Variants in ECT2 observed in about 807,000 individuals in gnomAD.
ECT2 encodes epithelial cell transforming 2.
ECT2 carries 61 observed loss-of-function variants against 116.9 expected under a neutral mutation model. That is an observed-to-expected ratio of 0.52 (90% CI 0.42 to 0.65). The LOEUF is 0.65. Among genes scored for constraint, ECT2 ranks in the 30% least tolerant of loss-of-function variants. The pLI, the probability that ECT2 is intolerant of heterozygous loss-of-function variation, is 0.00. For synonymous variants in ECT2, 358 were observed against 346.4 expected (o/e 1.03, Z -0.37); for missense variants, 937 against 1,078.7 (o/e 0.87, Z 1.84).
intron 22 of ECT2, among the ~76,000 whole-genome samples, chr3:172,813,753 A>C (rs1227008667): frequency 6.6e-6 from 1 of 152,022 alleles, no homozygotes; most frequent in Non-Finnish European, 1.5e-5. Flanking sequence ...CTGCACTCTA[A>C]ATGCTCAAAA....
chr3:172,804,305 T>C (rs1727285104), intron 20 of ECT2, among the ~76,000 whole-genome samples: 1 of 152,158 alleles, frequency 6.6e-6, no homozygotes, highest in African/African-American at 2.4e-5. Context: ...ATGCAGAGTT[T>C]TGTTGTTATG....
At chr3:172,796,864 G>C (rs1384176952) in intron 18 of ECT2, among the ~76,000 whole-genome samples, 1 of 152,024 alleles carries the variant, frequency 6.6e-6, no homozygotes, top group African/African-American at 2.4e-5. Flanking sequence ...TCGCTATGTT[G>C]GCCAGGCTGG....
At chr3:172,811,274 C>G (rs1728728188) in intron 22 of ECT2, among the ~76,000 whole-genome samples, 1 of 152,172 alleles carries the variant, frequency 6.6e-6, no homozygotes, top group Admixed American at 6.5e-5. Flanking sequence ...CCTAGGACTA[C>G]TGAAGATAAG....
At chr3:172,810,589 G>A (rs1728594948) in intron 22 of ECT2, among the ~76,000 whole-genome samples, 1 of 152,118 alleles carries the variant, frequency 6.6e-6, no homozygotes, top group Admixed American at 6.6e-5. Flanking sequence ...CAAATCAGAA[G>A]CTCTAAGTTA....
chr3:172,828,742 A>G, the ECT2 span: 1 of 550,708 alleles, frequency 1.8e-6, no homozygotes, highest in Non-Finnish European at 3.3e-6. Flanking sequence ...CACGTGGCGA[A>G]GAGGATGAGG....
chr3:172,805,849 T>C lies in ECT2; in HGVS notation c.2225T>C (p.Leu742Ser). The C allele has an allele frequency of 6.2e-7, 1 of 1,613,564 alleles. No homozygotes were observed. The highest frequency in any genetic ancestry group is 8.5e-7 in the Non-Finnish European group (1 of 1,179,690). ...LMPLSQIKKV[L>S]DIRETEDCHN... Reference sequence around the variant, plus strand: ...CCTCTTTCTCAGATTAAGAAGGTATTGGACATAAGAGAGACAGAAGGTATG... The same window carrying C: ...CCTCTTTCTCAGATTAAGAAGGTATCGGACATAAGAGAGACAGAAGGTATG... Residue 742 changes from leucine to serine, a missense_variant, in exon 21 of 25, where the codon TTG becomes TCG. Transcript: ENST00000392692.
chr3:172,783,419 C>G (rs1286623693), intron 15 of ECT2, among the ~76,000 whole-genome samples: 1 of 152,016 alleles, frequency 6.6e-6, no homozygotes, highest in African/African-American at 2.4e-5. Flanking sequence ...TTTAACTGAT[C>G]TTTTAATGGC....
At chr3:172,759,114 ATAAAT>A in intron 6 of ECT2, 45 bp downstream of exon 6, 1 of 1,374,450 alleles carries the variant, frequency 7.3e-7, no homozygotes, top group Non-Finnish European at 1.0e-6. Context: ...TTACAGCAAA[ATAAAT>A]TAAAATTGGC....
At chr3:172,758,660 T>C (rs1717586444) in intron 5 of ECT2, among the ~76,000 whole-genome samples, 1 of 152,200 alleles carries the variant, frequency 6.6e-6, no homozygotes, top group Non-Finnish European at 1.5e-5. Flanking sequence ...TAGTAGTGTA[T>C]GGAGTCTGAA....
intron 13 of ECT2, among the ~76,000 whole-genome samples, chr3:172,770,852 A>T (rs992309387): frequency 1.3e-5 from 2 of 152,148 alleles, no homozygotes; most frequent in Admixed American, 1.3e-4. Flanking sequence ...TTTATACTAG[A>T]AGAGGAGATA....
intron 23 of ECT2, 27 bp downstream of exon 23, chr3:172,815,738 G>A: frequency 4.5e-6 from 6 of 1,343,470 alleles, no homozygotes; most frequent in Non-Finnish European, 5.3e-6. Flanking sequence ...GTATTATTTA[G>A]CACATCTCTA....
chr3:172,760,933 G>A (rs981768385), intron 7 of ECT2, among the ~76,000 whole-genome samples: 9 of 151,646 alleles, frequency 5.9e-5, no homozygotes, highest in Non-Finnish European at 4.4e-5. Context: ...ATTGGCCAGG[G>A]TGGTCTCAAA....
chr3:172,769,544 A>G (rs1257934078), intron 13 of ECT2, among the ~76,000 whole-genome samples: 1 of 152,138 alleles, frequency 6.6e-6, no homozygotes, highest in Non-Finnish European at 1.5e-5. Flanking sequence ...AACATCGCCT[A>G]TACAATAGCA....
chr3:172,817,666 AATT>A (rs1287641156), intron 24 of ECT2, among the ~76,000 whole-genome samples: 1 of 152,118 alleles, frequency 6.6e-6, no homozygotes, highest in African/African-American at 2.4e-5. Flanking sequence ...ACAGTTTCAG[AATT>A]ATTATTAGAT....
chr3:172,787,368 C>CTTAT (rs10642439), intron 18 of ECT2, among the ~76,000 whole-genome samples: 150,488 of 152,184 alleles, frequency 0.99, 74,413 homozygotes, highest in East Asian at 1. Flanking sequence ...CTCTCATTCT[C>CTTAT]TTGAGACAGT....
intron 1 of ECT2, among the ~76,000 whole-genome samples, chr3:172,752,728 C>T (rs926136716): frequency 3.3e-5 from 5 of 152,166 alleles, no homozygotes; most frequent in Non-Finnish European, 7.3e-5. Flanking sequence ...GTGAATATTA[C>T]ATGAGAATAG....
chr3:172,784,666 C>A, intron 16 of ECT2, 41 bp from the exon 17 acceptor site: 1 of 1,498,200 alleles, frequency 6.7e-7, no homozygotes, highest in Non-Finnish European at 9.3e-7. Context: ...ATAATCTTTT[C>A]AGAAAACCTT....
chr3:172,765,831 C>T (rs981562431), intron 12 of ECT2, among the ~76,000 whole-genome samples: 1 of 152,148 alleles, frequency 6.6e-6, no homozygotes, highest in Non-Finnish European at 1.5e-5. Flanking sequence ...CTCTAAGCTT[C>T]AGTCATACCA....
intron 22 of ECT2, among the ~76,000 whole-genome samples, chr3:172,814,086 C>CA (rs528595790): frequency 1.5e-3 from 229 of 152,060 alleles, no homozygotes; most frequent in Non-Finnish European, 2.6e-3. Flanking sequence ...ACAGGATAAG[C>CA]AACCTAGAGT....
Sources: allele counts gnomAD v4.1 joint callset (sites outside exome capture counted in the v4.1 genomes callset), GRCh38; gene constraint gnomAD v4.1.1; transcripts MANE v1.5; gene names NCBI Gene and HGNC (gene_info 2026-07-23, HGNC 2026-07-21).